The following PSME4 variants were observed in gnomAD, a reference collection of about 807,000 sequenced individuals.
The protein encoded by PSME4 is proteasome activator complex subunit 4.
In PSME4, 89 loss-of-function variants were observed where a neutral mutation model predicts 253.9. The ratio of observed to expected loss-of-function variants is 0.35; its 90% CI spans 0.30 to 0.42. The LOEUF is 0.42. Ranked by LOEUF, PSME4 falls within the 10% of genes least tolerant of loss-of-function variation. The pLI is 1.00. For missense variants in PSME4, 2,014 were observed against 2,195.2 expected, an observed-to-expected ratio of 0.92 and a Z score of 1.65; for synonymous variants, 851 against 759.2, an observed-to-expected ratio of 1.12 and a Z score of -1.99.
intron 24 of PSME4, 119 bp from the exon 25 acceptor site, chr2:53,906,987 G>A: frequency 2.5e-6 from 2 of 804,612 alleles, no homozygotes; most frequent in Non-Finnish European, 4.0e-6. Flanking sequence ...GTGAGTGGTG[G>A]TGGTATTTCC....
intron 1 of PSME4, among the ~76,000 whole-genome samples, chr2:53,949,945 C>T (rs1669898330): frequency 6.6e-6 from 1 of 152,100 alleles, no homozygotes; most frequent in South Asian, 2.1e-4. Flanking sequence ...TCTATTCTCA[C>T]TATTATGCAG....
chr2:53,949,048 G>C (rs1426284675), intron 2 of PSME4, 95 bp downstream of exon 2: 2 of 1,395,918 alleles, frequency 1.4e-6, no homozygotes, highest in African/African-American at 1.5e-5. Context: ...GGCAATTTGA[G>C]ACTTGGTCTT....
At chr2:53,907,096 G>A (rs942034214) in intron 24 of PSME4, among the ~76,000 whole-genome samples, 1 of 152,070 alleles carries the variant, frequency 6.6e-6, no homozygotes, top group Admixed American at 6.6e-5. Flanking sequence ...CCAACACCCT[G>A]TTTTTCTCTG....
intron 1 of PSME4, 90 bp from the exon 2 acceptor site, chr2:53,949,373 A>G: frequency 1.3e-6 from 1 of 753,760 alleles, no homozygotes; most frequent in Non-Finnish European, 1.9e-6. Context: ...GCCAAGATGT[A>G]GATGCAACCT....
chr2:53,954,004 T>C (rs1670117776), intron 1 of PSME4, among the ~76,000 whole-genome samples: 2 of 152,220 alleles, frequency 1.3e-5, no homozygotes, highest in African/African-American at 4.8e-5. Flanking sequence ...TACAGTGTAT[T>C]AATCAAATGA....
chr2:53,885,826 C>A, intron 40 of PSME4, 51 bp from the exon 41 acceptor site: 1 of 1,319,992 alleles, frequency 7.6e-7, no homozygotes, highest in African/African-American at 1.4e-5. Context: ...CATTTACAGA[C>A]CACAAAGTAG....
At chr2:53,957,774 T>C (rs1447229930) in intron 1 of PSME4, among the ~76,000 whole-genome samples, 1 of 152,196 alleles carries the variant, frequency 6.6e-6, no homozygotes, top group Non-Finnish European at 1.5e-5. Flanking sequence ...TAAGACATTA[T>C]GCATCTCCTG....
rs546400033 is a variant in PSME4, at chr2:53,968,223, C to T, written c.242+2320G>A. Among the ~76,000 whole-genome samples the T allele has an allele frequency of 4.8e-5, 7 of 145,920 alleles. No homozygotes were observed. In the East Asian group the frequency reaches 1.2e-3, roughly 25 times the overall value. ...CCGAAAGGCAGGGATTGCAGTGGGC[C>T]AAGATCCTGCCACTGCACTCCAGCC... On this transcript the variant is annotated intron_variant, in intron 1 of 46. Transcript: ENST00000404125.
intron 20 of PSME4, among the ~76,000 whole-genome samples, chr2:53,915,934 G>C (rs1008467868): frequency 1.3e-5 from 2 of 151,984 alleles, no homozygotes; most frequent in East Asian, 3.9e-4. Context: ...AATTAGCCAG[G>C]CATGGTGGCA....
At chr2:53,913,751 T>C (rs899144977) in intron 20 of PSME4, among the ~76,000 whole-genome samples, 1 of 152,260 alleles carries the variant, frequency 6.6e-6, no homozygotes. Context: ...AAATCTTATA[T>C]GTTGCTAGAT....
intron 1 of PSME4, among the ~76,000 whole-genome samples, chr2:53,962,599 C>G (rs1371904476): frequency 6.6e-6 from 1 of 152,198 alleles, no homozygotes; most frequent in Non-Finnish European, 1.5e-5. Flanking sequence ...CATTAAAACA[C>G]AGTGGTCAGA....
chr2:53,892,729 C>A (rs113487073), intron 36 of PSME4, 79 bp downstream of exon 36: 3 of 1,298,484 alleles, frequency 2.3e-6, no homozygotes, highest in African/African-American at 3.0e-5. Flanking sequence ...TTATCAGTAT[C>A]TAATGTGTTG....
intron 10 of PSME4, among the ~76,000 whole-genome samples, chr2:53,929,165 C>CAA (rs11376160): frequency 2.9e-4 from 44 of 150,230 alleles, no homozygotes; most frequent in African/African-American, 7.6e-4. Flanking sequence ...GACTCTGTCT[C>CAA]AAAAAAAAAC....
chr2:53,866,996 T>G (rs749318210), intron 44 of PSME4, 116 bp from the exon 45 acceptor site: 6 of 994,688 alleles, frequency 6.0e-6, no homozygotes, highest in Non-Finnish European at 5.9e-6. Flanking sequence ...TTTCTGCATT[T>G]AAAATGAATC....
At chr2:53,935,833 G>GA (rs918108544) in intron 7 of PSME4, among the ~76,000 whole-genome samples, 1 of 151,726 alleles carries the variant, frequency 6.6e-6, no homozygotes, top group African/African-American at 2.4e-5. Context: ...AATTGGCATA[G>GA]AAAAAACGTT....
chr2:53,898,099 T>G (rs1254772583), intron 30 of PSME4, 100 bp from the exon 31 acceptor site: 1 of 1,395,904 alleles, frequency 7.2e-7, no homozygotes, highest in Non-Finnish European at 9.8e-7. Flanking sequence ...TTCTCAAGAA[T>G]TAAAATAGGT....
chr2:53,939,509 T>A (rs1669282587), intron 4 of PSME4, among the ~76,000 whole-genome samples: 1 of 152,136 alleles, frequency 6.6e-6, no homozygotes, highest in Non-Finnish European at 1.5e-5. Context: ...GAGGACTGCT[T>A]GAGGCCAGGG....
In PSME4 at chr2:53,892,251, C is replaced by T. The variant is rs565482336; in HGVS notation, c.4191+557G>A. ...TGGTCTACCTTATGCTCAGGTGGTC[C>T]TGACATTTGACCAGGTTATTTTTAG... On this transcript the variant is annotated intron_variant, in intron 36 of 46. Transcript: ENST00000404125. 6.6e-5 allele frequency among the ~76,000 whole-genome samples: 10 copies of T among 152,240 alleles called. No homozygotes were observed. In the South Asian group the frequency reaches 2.1e-3, roughly 32 times the overall value.
At chr2:53,961,967 C>A (rs548287726) in intron 1 of PSME4, among the ~76,000 whole-genome samples, 1 of 152,038 alleles carries the variant, frequency 6.6e-6, no homozygotes, top group African/African-American at 2.4e-5. Flanking sequence ...TTAAAAGAGG[C>A]AAAGGCAGAG....
Sources: gnomAD v4.1 joint callset for allele counts (sites outside exome capture counted in the v4.1 genomes callset) on GRCh38, gnomAD v4.1.1 for gene constraint, MANE v1.5 for transcripts, NCBI Gene and HGNC (gene_info 2026-07-23, HGNC 2026-07-21) for gene names.